NNT: variants seen among roughly 807,000 people sequenced by gnomAD.
The protein encoded by NNT is nicotinamide nucleotide transhydrogenase.
NNT carries 50 observed loss-of-function variants against 104.8 expected under a neutral mutation model. The observed-to-expected ratio is 0.48, with a 90% CI of 0.38 to 0.60. The LOEUF (loss-of-function observed/expected upper bound fraction) is 0.60, where lower values mean the gene tolerates loss of function less well. NNT is among the 20% of genes least tolerant of loss of function. NNT has a pLI of 0.00. For missense variants in NNT, 1,131 were observed against 1,330.7 expected (o/e 0.85, Z 2.33); for synonymous variants, 461 against 490.4 (o/e 0.94, Z 0.79).
At chr5:43,677,855 G>A in intron 19 of NNT, 49 bp downstream of exon 19, 2 of 1,425,760 alleles carry the variant, frequency 1.4e-6, no homozygotes, top group Non-Finnish European at 2.0e-6. Flanking sequence ...AGATGTGTGT[G>A]TGGAGAAAAG....
intron 17 of NNT, 25 bp downstream of exon 17, chr5:43,659,375 C>G: frequency 6.4e-7 from 1 of 1,561,332 alleles, no homozygotes; most frequent in Non-Finnish European, 8.7e-7. Context: ...ATACATGAAA[C>G]AAAAGGAAAT....
At position 43,706,000 on chromosome 5, in the gene NNT, T is replaced by A. The variant is rs1025898200; in HGVS notation, c.*1596T>A. On this transcript the variant is annotated 3_prime_UTR_variant, in exon 22 of 22. Transcript: ENST00000344920. ...TCTAGAAAGAAGCAATTTTGATTTC[T>A]TGAAAAGGTAGTTCCTGCACTCAGT... is the stretch of plus-strand genomic sequence containing the variant. 1 of 152,070 alleles carries A rather than the reference T, an allele frequency of 6.6e-6. No individual in the cohort carries two copies. The highest frequency in any genetic ancestry group is 2.4e-5 in the African/African-American group (1 of 41,438). The allele number at this position is 152,070 out of a possible 1,614,324, so 9.4% of individuals were successfully genotyped here. A position where few individuals can be genotyped will look rare whatever the true frequency, so the allele number is the denominator to read the frequency against.
At position 43,618,061 on chromosome 5, in the gene NNT, A is replaced by G. The variant is rs140512617; in HGVS notation, c.600-971A>G. 2.0e-5 allele frequency among the ~76,000 whole-genome samples: 3 copies of G among 152,212 alleles called. 1 individual carries two copies. The highest frequency in any genetic ancestry group is 7.2e-5 in the African/African-American group (3 of 41,454). ...AAGTAAGAATGCAAAAGTGCCTTTT[A>G]CATATAAATTGCTATGAAAATGAAA... On this transcript the variant is annotated intron_variant, in intron 4 of 21. Coordinates refer to ENST00000344920, the MANE Select transcript of NNT (RefSeq NM_182977.3).
chr5:43,637,451 C>T (rs1413014345), intron 7 of NNT, among the ~76,000 whole-genome samples: 1 of 152,090 alleles, frequency 6.6e-6, no homozygotes, highest in Non-Finnish European at 1.5e-5. Flanking sequence ...GGTATGGATC[C>T]ATTAGGATGC....
At position 43,655,866 on chromosome 5, in the gene NNT, A is replaced by C; in HGVS notation, c.2086A>C (p.Ile696Leu). ...ATTGACAATTGCCAAACGCATCCAGATTTCTGATTTACCTCAATTAGTTGC... is the reference window on the plus strand; with the variant it reads ...ATTGACAATTGCCAAACGCATCCAGCTTTCTGATTTACCTCAATTAGTTGC... Reference protein sequence around the residue: ...IGLTIAKRIQISDLPQLVAAF... With the variant: ...IGLTIAKRIQLSDLPQLVAAF... The change falls in exon 15 of 22, where the codon ATT becomes CTT. Residue 696 changes from isoleucine (I) to leucine (L), a missense_variant. By Grantham distance (5) the Ile-to-Leu change is conservative. Transcript: ENST00000344920. 1 of 1,614,168 alleles carries C rather than the reference A, an allele frequency of 6.2e-7. No individual in the cohort carries two copies.
At chr5:43,692,674 G>A (rs893910732) in intron 19 of NNT, among the ~76,000 whole-genome samples, 1 of 152,058 alleles carries the variant, frequency 6.6e-6, no homozygotes, top group Non-Finnish European at 1.5e-5. Context: ...TTGCAAAATG[G>A]TGATGTAAAA....
At chr5:43,701,458 C>T (rs1742846724) in intron 20 of NNT, among the ~76,000 whole-genome samples, 1 of 152,026 alleles carries the variant, frequency 6.6e-6, no homozygotes, top group South Asian at 2.1e-4. Flanking sequence ...ACATATGTAC[C>T]ATATTTTTTT....
chr5:43,631,353 A>T (rs1750668109), intron 7 of NNT, among the ~76,000 whole-genome samples: 1 of 152,160 alleles, frequency 6.6e-6, no homozygotes, highest in Non-Finnish European at 1.5e-5. Context: ...GCACTTCAGG[A>T]TTCATCCTTT....
chr5:43,622,109 A>T (rs142553919), intron 5 of NNT, among the ~76,000 whole-genome samples: 4 of 152,306 alleles, frequency 2.6e-5, no homozygotes, highest in African/African-American at 9.6e-5. Flanking sequence ...TGAAGGCAAG[A>T]TCTGTCAGCA....
chr5:43,686,856 T>A (rs1295646973), intron 19 of NNT, among the ~76,000 whole-genome samples: 25 of 152,062 alleles, frequency 1.6e-4, no homozygotes, highest in Non-Finnish European at 1.5e-5. Context: ...TTATTATCAA[T>A]CCCATGGTAC....
At chr5:43,604,673 A>C (rs144816243) in intron 1 of NNT, among the ~76,000 whole-genome samples, 1 of 152,246 alleles carries the variant, frequency 6.6e-6, no homozygotes, top group Non-Finnish European at 1.5e-5. Context: ...CCTGAGAGGT[A>C]GGTGCTGTTA....
Position 43,609,152 on chromosome 5 carries a change from T to C in NNT, c.-44T>C. 2 of 1,556,680 alleles carry C rather than the reference T, an allele frequency of 1.3e-6. No individual in the cohort carries two copies. Among genetic ancestry groups the C allele is most frequent in the Non-Finnish European group, 1.7e-6 (2 of 1,143,158 alleles). ...TTTTCTTTTTTCTTAGTGATTTGCC[T>C]TCAAGGAAACTGGGGAGTCAGAAAA... On this transcript the variant is annotated 5_prime_UTR_variant, in exon 2 of 22. Transcript: ENST00000344920.
chr5:43,694,544 G>A (rs975693745), intron 19 of NNT, among the ~76,000 whole-genome samples: 1 of 152,098 alleles, frequency 6.6e-6, no homozygotes, highest in Non-Finnish European at 1.5e-5. Flanking sequence ...TAATCATGTG[G>A]TTTCTGTCTT....
In NNT at chr5:43,705,551, G is replaced by T. The variant is rs554516664; in HGVS notation, c.*1147G>T. On this transcript the variant is annotated 3_prime_UTR_variant, in exon 22 of 22. Transcript: ENST00000344920. ...CCTAAAGCTCTAAATATAGGTGAAT[G>T]TGTGATGAATACTCAGATTATTTGT... The T allele has an allele frequency of 6.6e-6, 1 of 152,128 alleles. No individual in the cohort carries two copies. Among genetic ancestry groups the T allele is most frequent in the African/African-American group, 2.4e-5 (1 of 41,532 alleles). The allele number at this position is 152,128 out of a possible 1,614,324, so 9.4% of individuals were successfully genotyped here. A position where few individuals can be genotyped will look rare whatever the true frequency, so the allele number is the denominator to read the frequency against.
intron 7 of NNT, among the ~76,000 whole-genome samples, chr5:43,634,847 T>C (rs999764595): frequency 6.6e-6 from 1 of 152,196 alleles, no homozygotes; most frequent in South Asian, 2.1e-4. Context: ...GAGCACACTT[T>C]GTGAGTGACT....
At chr5:43,698,964 G>T (rs1294533979) in intron 19 of NNT, among the ~76,000 whole-genome samples, 1 of 151,432 alleles carries the variant, frequency 6.6e-6, no homozygotes, top group Non-Finnish European at 1.5e-5. Flanking sequence ...AAGGTATTTA[G>T]GCTGAGGTTG....
At chr5:43,631,548 A>T (rs1750677796) in intron 7 of NNT, among the ~76,000 whole-genome samples, 1 of 152,212 alleles carries the variant, frequency 6.6e-6, no homozygotes, top group South Asian at 2.1e-4. Context: ...CTCATGGAGT[A>T]AGCCATGTGG....
chr5:43,700,301 G>A, intron 20 of NNT, 64 bp downstream of exon 20: 2 of 1,184,096 alleles, frequency 1.7e-6, no homozygotes, highest in Non-Finnish European at 2.5e-6. Context: ...GTGCAGGTGT[G>A]GGATATGAAT....
At chr5:43,700,267 A>C (rs772015618) in intron 20 of NNT, 30 bp downstream of exon 20, 1 of 1,497,746 alleles carries the variant, frequency 6.7e-7, no homozygotes, top group South Asian at 1.1e-5. Flanking sequence ...GTGAAGTTTA[A>C]ATATTCTTAC....
Sources: allele counts gnomAD v4.1 joint callset (sites outside exome capture counted in the v4.1 genomes callset), GRCh38; gene constraint gnomAD v4.1.1; transcripts MANE v1.5; gene names NCBI Gene and HGNC (gene_info 2026-07-23, HGNC 2026-07-21).